Variants in NRCAM observed in about 807,000 individuals in gnomAD.
NRCAM encodes the protein neuronal cell adhesion molecule.
A neutral mutation model predicts 156.5 loss-of-function variants in NRCAM; 83 were observed. The observed-to-expected ratio is 0.53, with a 90% CI of 0.44 to 0.64. The LOEUF is 0.64. Ranked by LOEUF, NRCAM falls within the 30% of genes least tolerant of loss-of-function variation. NRCAM has a pLI of 0.00. For synonymous variants in NRCAM, 538 were observed against 563.9 expected (o/e 0.95, Z 0.65); for missense variants, 1,417 against 1,597.3 (o/e 0.89, Z 1.92).
chr7:108,256,325 C>T lies in NRCAM; in HGVS notation c.-106-16155G>A, dbSNP rs1257377717. 2.7e-5 allele frequency among the ~76,000 whole-genome samples: 4 copies of T among 149,312 alleles called. No homozygotes were observed. The South Asian group carries it at 8.7e-4, about 32-fold the overall frequency. On this transcript the variant is annotated intron_variant, in intron 3 of 32. Transcript: ENST00000379028. ...GATGCTGTTAATCTATAACCTTACCCCCAACCCCGTGCTCTCTGAAACATG... is the reference window on the plus strand; with the variant it reads ...GATGCTGTTAATCTATAACCTTACCTCCAACCCCGTGCTCTCTGAAACATG...
intron 2 of NRCAM, among the ~76,000 whole-genome samples, chr7:108,349,691 C>T (rs2099397656): frequency 6.6e-6 from 1 of 152,090 alleles, no homozygotes; most frequent in African/African-American, 2.4e-5. Context: ...TTTGATACCA[C>T]TTTTGAATAA....
chr7:108,413,709 C>A (rs1415096506), intron 1 of NRCAM, among the ~76,000 whole-genome samples: 2 of 152,190 alleles, frequency 1.3e-5, no homozygotes, highest in Admixed American at 6.6e-5. Flanking sequence ...AACCAACAGA[C>A]ATCAATAAAT....
chr7:108,443,176 AC>A (rs1840527665), intron 1 of NRCAM, among the ~76,000 whole-genome samples: 1 of 140,072 alleles, frequency 7.1e-6, no homozygotes, highest in African/African-American at 2.7e-5. Flanking sequence ...AAACAATTAG[AC>A]CTTTTTTTTT....
chr7:108,189,651 T>C lies in NRCAM; in HGVS notation c.2029A>G (p.Ile677Val). The stretch of plus-strand genomic sequence containing the variant: ...AGCAAATAATACCACATACTTGTAA[T>C]GGGGCTATTGTTGTCATCGCCTGGG... ...WTPGDDNNSP[I>V]TKFIIEYEDA... Residue 677 changes from isoleucine to valine, a missense_variant, in exon 20 of 33, where the codon ATT becomes GTT. By Grantham distance (29) the Ile-to-Val change is conservative (BLOSUM62 3). This residue lies in a region of NRCAM where 1,238 missense variants were observed against 1,336.4 expected (regional missense o/e 0.93). Coordinates refer to ENST00000379028, the MANE Select transcript of NRCAM (RefSeq NM_001037132.4). The C allele has an allele frequency of 2.3e-6, 3 of 1,307,804 alleles. No homozygotes were observed. Among genetic ancestry groups the C allele is most frequent in the African/African-American group, 1.5e-5 (1 of 68,866 alleles). 81.0% of individuals were successfully genotyped at this position (1,307,804 alleles called of 1,614,324 possible). A position where few individuals can be genotyped will look rare whatever the true frequency, so the allele number is the denominator to read the frequency against.
chr7:108,426,057 C>A lies in NRCAM; in HGVS notation c.-331-26464G>T, dbSNP rs189431905. On this transcript the variant is annotated intron_variant, in intron 1 of 32. Coordinates refer to ENST00000379028, the MANE Select transcript of NRCAM (RefSeq NM_001037132.4). ...CATTCATCATTTTTAAAAAGAGATT[C>A]AGATTTTCAAGAGAGTACAGTGAAT... 2.6e-5 allele frequency among the ~76,000 whole-genome samples: 4 copies of A among 152,318 alleles called. No individual in the cohort carries two copies. The East Asian group carries it at 7.7e-4, about 29-fold the overall frequency.
intron 30 of NRCAM, among the ~76,000 whole-genome samples, chr7:108,163,315 T>C (rs978739665): frequency 1.3e-5 from 2 of 152,218 alleles, no homozygotes; most frequent in African/African-American, 2.4e-5. Flanking sequence ...TGCTCTGGCG[T>C]TGCTTGCTGT....
At chr7:108,432,121 C>T (rs975526561) in intron 1 of NRCAM, among the ~76,000 whole-genome samples, 3 of 152,224 alleles carry the variant, frequency 2.0e-5, no homozygotes, top group Non-Finnish European at 2.9e-5. Flanking sequence ...GTTTGGATCA[C>T]TGTTTTGCAT....
At chr7:108,293,503 G>A (rs1563139129) in intron 3 of NRCAM, among the ~76,000 whole-genome samples, 1 of 152,248 alleles carries the variant, frequency 6.6e-6, no homozygotes, top group East Asian at 1.9e-4. Context: ...CTGATCTCAC[G>A]TCTCCCCTAA....
At chr7:108,195,510 A>G (rs2074499842) in intron 15 of NRCAM, among the ~76,000 whole-genome samples, 1 of 152,012 alleles carries the variant, frequency 6.6e-6, no homozygotes, top group South Asian at 2.1e-4. Flanking sequence ...CAGATACTCT[A>G]GAGGCTGAGG....
Position 108,168,332 on chromosome 7 carries a change from C to G in NRCAM, c.3258G>C (p.Trp1086Cys). Reference sequence around the variant, plus strand: ...TCACATGCTCTGGTCCCTCATATTCCCAACTGATATTGGCATAGGTCTCAG... The same window carrying G: ...TCACATGCTCTGGTCCCTCATATTCGCAACTGATATTGGCATAGGTCTCAG... ...AAAETYANIS[W>C]EYEGPEHVNF... The change falls in exon 29 of 33, where the codon TGG becomes TGC. Residue 1086 changes from tryptophan to cysteine, a missense_variant. Physicochemically the swap from Trp to Cys is radical, Grantham distance 215. Coordinates refer to ENST00000379028, the MANE Select transcript of NRCAM (RefSeq NM_001037132.4). The G allele has an allele frequency of 6.2e-7, 1 of 1,609,936 alleles. No homozygotes were observed. The highest frequency in any genetic ancestry group is 8.5e-7 in the Non-Finnish European group (1 of 1,178,178).
At chr7:108,212,965 G>A (rs2153610975) in intron 11 of NRCAM, among the ~76,000 whole-genome samples, 1 of 152,244 alleles carries the variant, frequency 6.6e-6, no homozygotes, top group African/African-American at 2.4e-5. Context: ...AAGTTAAGAT[G>A]ACGGAAATAA....
chr7:108,317,261 T>A (rs888201220), intron 2 of NRCAM, among the ~76,000 whole-genome samples: 1 of 152,256 alleles, frequency 6.6e-6, no homozygotes. Context: ...GTTGGCACAC[T>A]GTGAACATAA....
chr7:108,364,921 G>A (rs754897593), intron 2 of NRCAM, among the ~76,000 whole-genome samples: 58 of 152,082 alleles, frequency 3.8e-4, no homozygotes, highest in Non-Finnish European at 7.9e-4. Context: ...AATGATGATG[G>A]TTGCACAACT....
At chr7:108,176,882 A>G (rs1490746019) in intron 26 of NRCAM, 1 of 217,284 alleles carries the variant, frequency 4.6e-6, no homozygotes, top group African/African-American at 2.3e-5. Context: ...GTTGAATCAC[A>G]ATAGAATTTT....
intron 2 of NRCAM, among the ~76,000 whole-genome samples, chr7:108,397,450 G>A (rs2099780054): frequency 1.3e-5 from 2 of 152,200 alleles, no homozygotes; most frequent in Admixed American, 1.3e-4. Flanking sequence ...AAAGAAGGCT[G>A]TGAGAATGAA....
intron 3 of NRCAM, among the ~76,000 whole-genome samples, chr7:108,261,833 A>G (rs2096899620): frequency 2.0e-5 from 3 of 152,104 alleles, no homozygotes; most frequent in Non-Finnish European, 1.5e-5. Context: ...CTCTGCACTC[A>G]AGCACAACCC....
chr7:108,268,637 G>GGGGGGGGGGGGGGA (rs2097209664), intron 3 of NRCAM, among the ~76,000 whole-genome samples: 1 of 48,590 alleles, frequency 2.1e-5, no homozygotes, highest in African/African-American at 8.5e-5. Flanking sequence ...GGGGGGGGTT[G>GGGGGGGGGGGGGGA]GGGGGGGCGG....
chr7:108,357,477 C>T (rs1462855993), intron 2 of NRCAM, among the ~76,000 whole-genome samples: 1 of 151,880 alleles, frequency 6.6e-6, no homozygotes, highest in Non-Finnish European at 1.5e-5. Context: ...ATTACAGGTG[C>T]CTGCCACCAC....
At chr7:108,210,361 C>T (rs1234154538) in intron 11 of NRCAM, among the ~76,000 whole-genome samples, 7 of 152,104 alleles carry the variant, frequency 4.6e-5, no homozygotes, top group Admixed American at 4.6e-4. Flanking sequence ...ATTCTCCTGC[C>T]TCAGCCTCCC....
Sources: allele counts gnomAD v4.1 joint callset (sites outside exome capture counted in the v4.1 genomes callset), GRCh38; gene constraint gnomAD v4.1.1; regional missense constraint gnomAD v4.1.1; transcripts MANE v1.5; gene names NCBI Gene and HGNC (gene_info 2026-07-23, HGNC 2026-07-21).